The following PTPRD variants were observed in gnomAD, a reference collection of about 807,000 sequenced individuals.
The protein encoded by PTPRD is receptor-type tyrosine-protein phosphatase delta.
PTPRD carries 34 observed loss-of-function variants against 214.5 expected under a neutral mutation model. The ratio of observed to expected loss-of-function variants is 0.16; its 90% CI spans 0.12 to 0.21. The LOEUF is 0.21. Ranked by LOEUF, PTPRD falls within the 10% of genes least tolerant of loss-of-function variation. The pLI is 1.00. For synonymous variants in PTPRD, 1,128 were observed against 845.7 expected (o/e 1.33, Z -5.79); for missense variants, 2,545 against 2,398.7 (o/e 1.06, Z -1.27).
intron 5 of PTPRD, among the ~76,000 whole-genome samples, chr9:9,933,279 T>G (rs1434019056): frequency 8.5e-5 from 13 of 152,202 alleles, no homozygotes; most frequent in African/African-American, 3.1e-4. Context: ...AGACACAGAC[T>G]GGCAAATTGG....
intron 14 of PTPRD, among the ~76,000 whole-genome samples, chr9:8,590,047 G>C (rs1301585206): frequency 1.3e-5 from 2 of 151,960 alleles, no homozygotes; most frequent in African/African-American, 4.8e-5. Context: ...ATGTTCACGA[G>C]GTTCCAAGGA....
Position 9,029,745 on chromosome 9 carries a change from G to C in PTPRD, c.-142-11010C>G, listed in dbSNP as rs528311301. On this transcript the variant is annotated intron_variant, in intron 10 of 45. Coordinates refer to ENST00000381196, the MANE Select transcript of PTPRD (RefSeq NM_002839.4). ...AGAGCTGAGGATGATTCATCTCTCA[G>C]TGGAATGAAGAGTGTAAGGAACAGG... is the stretch of plus-strand genomic sequence containing the variant. Among the ~76,000 whole-genome samples, 11 of 152,002 alleles carry C rather than the reference G, an allele frequency of 7.2e-5. No individual in the cohort carries two copies. The East Asian group carries it at 2.1e-3, about 30-fold the overall frequency.
At chr9:8,672,835 T>C (rs1002831801) in intron 12 of PTPRD, among the ~76,000 whole-genome samples, 1 of 115,534 alleles carries the variant, frequency 8.7e-6, no homozygotes, top group East Asian at 2.9e-4. Context: ...TCTTAATTTT[T>C]GTACTCTGTG....
chr9:8,678,845 C>A (rs2097491870), intron 12 of PTPRD, among the ~76,000 whole-genome samples: 1 of 152,196 alleles, frequency 6.6e-6, no homozygotes, highest in Non-Finnish European at 1.5e-5. Context: ...GGAACCTATT[C>A]TCTGGATTAA....
At chr9:8,624,245 T>C (rs1259105270) in intron 14 of PTPRD, among the ~76,000 whole-genome samples, 1 of 151,906 alleles carries the variant, frequency 6.6e-6, no homozygotes, top group African/African-American at 2.4e-5. Flanking sequence ...ATTCTTGGGA[T>C]TGTGTACTAG....
At chr9:9,472,268 A>G (rs1390028871) in intron 8 of PTPRD, among the ~76,000 whole-genome samples, 1 of 142,408 alleles carries the variant, frequency 7.0e-6, no homozygotes, top group Non-Finnish European at 1.5e-5. Context: ...CAGTGGCGCA[A>G]TCTCGGCTCA....
chr9:8,554,362 T>C (rs534320731), intron 14 of PTPRD, among the ~76,000 whole-genome samples: 1 of 152,270 alleles, frequency 6.6e-6, no homozygotes, highest in East Asian at 1.9e-4. Context: ...ATCACAGAAA[T>C]TGATTTTAAT....
chr9:9,417,116 G>A (rs943380232), intron 8 of PTPRD, among the ~76,000 whole-genome samples: 64 of 152,092 alleles, frequency 4.2e-4, no homozygotes, highest in African/African-American at 1.2e-3. Context: ...ATTCTTTGGC[G>A]GACACATAAG....
At chr9:9,210,472 C>T (rs7023594) in intron 9 of PTPRD, among the ~76,000 whole-genome samples, 52,523 of 152,020 alleles carry the variant, frequency 0.35, 9,782 homozygotes, top group Middle Eastern at 0.45. Context: ...AATGCCTACT[C>T]CTTTGTTTTC....
intron 2 of PTPRD, among the ~76,000 whole-genome samples, chr9:10,494,148 T>C (rs2132856964): frequency 6.6e-6 from 1 of 152,038 alleles, no homozygotes; most frequent in South Asian, 2.1e-4. Context: ...CATAATCAGT[T>C]CAATTTAAGC....
At chr9:9,498,320 C>G (rs1005462739) in intron 8 of PTPRD, among the ~76,000 whole-genome samples, 1 of 152,096 alleles carries the variant, frequency 6.6e-6, no homozygotes, top group Non-Finnish European at 1.5e-5. Context: ...ATGTATTGCA[C>G]AAGTACAGGC....
chr9:10,496,289 A>G (rs2042005894), intron 2 of PTPRD, among the ~76,000 whole-genome samples: 1 of 151,946 alleles, frequency 6.6e-6, no homozygotes, highest in African/African-American at 2.4e-5. Flanking sequence ...GTACAGAAAG[A>G]TAAAATTTTC....
chr9:8,782,245 T>C (rs771698076), intron 11 of PTPRD, among the ~76,000 whole-genome samples: 16 of 152,164 alleles, frequency 1.1e-4, no homozygotes, highest in Non-Finnish European at 2.2e-4. Flanking sequence ...AATTAAAATA[T>C]CTATGCCTCA....
chr9:10,024,289 C>T (rs1227901028), intron 4 of PTPRD, among the ~76,000 whole-genome samples: 2 of 152,032 alleles, frequency 1.3e-5, no homozygotes, highest in Non-Finnish European at 2.9e-5. Context: ...CTTATAAATT[C>T]TAGCTGCTTC....
chr9:10,453,813 T>A (rs190100911), intron 2 of PTPRD, among the ~76,000 whole-genome samples: 38 of 151,762 alleles, frequency 2.5e-4, no homozygotes, highest in African/African-American at 8.9e-4. Context: ...CTAATTGTTG[T>A]TTAGGATTTT....
rs1204540111 is a variant in PTPRD, at chr9:8,336,864, T to C, written c.5379+2058A>G. ...ACATATGAAAAAATGCTATCACTGG[T>C]CATTAGAGAAATGCAAATCAAAACC... On this transcript the variant is annotated intron_variant, in intron 43 of 45. Coordinates refer to ENST00000381196, the MANE Select transcript of PTPRD (RefSeq NM_002839.4). 3.5e-4 allele frequency among the ~76,000 whole-genome samples: 54 copies of C among 152,122 alleles called. No individual in the cohort carries two copies. The South Asian group carries it at 0.011, about 32-fold the overall frequency.
chr9:9,069,362 T>G (rs1175828247), intron 10 of PTPRD, among the ~76,000 whole-genome samples: 2 of 152,182 alleles, frequency 1.3e-5, no homozygotes, highest in Non-Finnish European at 2.9e-5. Flanking sequence ...CACAAAAAAC[T>G]GGCTTTCATA....
intron 5 of PTPRD, among the ~76,000 whole-genome samples, chr9:9,913,813 A>T (rs187183457): frequency 6.6e-6 from 1 of 151,340 alleles, no homozygotes; most frequent in Non-Finnish European, 1.5e-5. Context: ...CAAGGTGTGT[A>T]CTCTCTCCCT....
chr9:9,542,115 G>T (rs1345146030), intron 8 of PTPRD, among the ~76,000 whole-genome samples: 3 of 151,524 alleles, frequency 2.0e-5, no homozygotes, highest in African/African-American at 4.8e-5. Flanking sequence ...TCAAGAAAAA[G>T]GAGATACTTA....
Sources: allele counts gnomAD v4.1 joint callset (sites outside exome capture counted in the v4.1 genomes callset), GRCh38; gene constraint gnomAD v4.1.1; transcripts MANE v1.5; gene names NCBI Gene and HGNC (gene_info 2026-07-23, HGNC 2026-07-21).